Variants in CDK8 observed in about 807,000 individuals in gnomAD.
CDK8 encodes the protein cyclin-dependent kinase 8.
CDK8 carries 29 observed loss-of-function variants against 71.5 expected under a neutral mutation model. The ratio of observed to expected loss-of-function variants is 0.41; its 90% confidence interval spans 0.30 to 0.55. The LOEUF (loss-of-function observed/expected upper bound fraction) is 0.55, where lower values mean the gene tolerates loss of function less well. Among genes scored for constraint, CDK8 ranks in the 20% least tolerant of loss-of-function variants. The pLI, the probability that CDK8 is intolerant of heterozygous loss-of-function variation, is 0.37. For missense variants in CDK8, 288 were observed against 572.6 expected, an observed-to-expected ratio of 0.50 and a Z score of 5.07; for synonymous variants, 161 against 192.1, an observed-to-expected ratio of 0.84 and a Z score of 1.34.
chr13:26,349,104 T>C lies in CDK8; in HGVS notation c.237T>C (p.Ile79=). 3 of 1,613,190 alleles carry C rather than the reference T, an allele frequency of 1.9e-6. No individual in the cohort carries two copies. The highest frequency in any genetic ancestry group is 2.5e-6 in the Non-Finnish European group (3 of 1,179,256). The change falls in exon 3 of 13, where the codon ATT becomes ATC. Residue 79 remains isoleucine (I), a synonymous_variant. Transcript: ENST00000381527. ...LLRELKHPNV[I]SLQKVFLSHA... is the part of the protein sequence containing the mutation. ...GAGAGCTTAAGCATCCAAACGTCATTTCTCTTCAAAAGGTGTTTCTGTCTC... is the reference window on the plus strand; with the variant it reads ...GAGAGCTTAAGCATCCAAACGTCATCTCTCTTCAAAAGGTGTTTCTGTCTC...
Position 26,401,619 on chromosome 13 carries a change from T to C in CDK8, c.1264T>C (p.Tyr422His). ...AGGTGGACTTATCATGACCTCAGAC[T>C]ATCAGGTATTCCAAGTTTATTTTGT... The part of the protein sequence containing the change: ...TSGGLIMTSD[Y>H]QRSNPHAAYP... The change falls in exon 12 of 13, where the codon TAT (tyrosine) becomes CAT (histidine). Residue 422 changes from tyrosine to histidine, a missense_variant. Physicochemically the swap from Tyr to His is moderately conservative, Grantham distance 83. Coordinates refer to ENST00000381527, the MANE Select transcript of CDK8 (RefSeq NM_001260.3). This position sits in a 1 kb window ranked among gnomAD's most constrained non-coding sequence, Gnocchi z 4.5. 1 of 1,614,098 alleles carries C rather than the reference T, an allele frequency of 6.2e-7. No homozygotes were observed. Among genetic ancestry groups the C allele is most frequent in the Non-Finnish European group, 8.5e-7 (1 of 1,179,928 alleles).
chr13:26,397,126 A>G (rs1164412577), intron 8 of CDK8, 27 bp from the exon 9 acceptor site: 4 of 1,309,992 alleles, frequency 3.1e-6, no homozygotes, highest in Non-Finnish European at 3.3e-6. Flanking sequence ...AGTCTAATAT[A>G]GCTATTTCAT....
Position 26,404,979 on chromosome 13 carries a change from T to A in CDK8, c.*898T>A, listed in dbSNP as rs1460602602. The A allele has an allele frequency of 1.0e-5, 2 of 197,506 alleles. No individual in the cohort carries two copies. The highest frequency in any genetic ancestry group is 1.7e-3 in the Middle Eastern group (1 of 580). 12.2% of individuals were successfully genotyped at this position (197,506 alleles called of 1,614,324 possible). ...ATTTTCGTCCTGATTTTAAAGCTGGTTGGTGTAGTGCTATTAAAATTTCGT... is the reference window on the plus strand; with the variant it reads ...ATTTTCGTCCTGATTTTAAAGCTGGATGGTGTAGTGCTATTAAAATTTCGT... On this transcript the variant is annotated 3_prime_UTR_variant, in exon 13 of 13. Coordinates refer to ENST00000381527, the MANE Select transcript of CDK8 (RefSeq NM_001260.3).
intron 7 of CDK8, among the ~76,000 whole-genome samples, chr13:26,395,648 C>T (rs574838997): frequency 1.7e-4 from 26 of 152,162 alleles, no homozygotes; most frequent in Admixed American, 3.9e-4. Context: ...GTAGCTGAAA[C>T]GTTTTGTACT....
intron 7 of CDK8, among the ~76,000 whole-genome samples, chr13:26,394,258 A>G (rs1299825128): frequency 1.3e-5 from 2 of 152,206 alleles, no homozygotes; most frequent in Non-Finnish European, 2.9e-5. Flanking sequence ...TTCTCAGGTC[A>G]CTATAAACTC....
At chr13:26,259,416 G>C (rs895670631) in intron 1 of CDK8, among the ~76,000 whole-genome samples, 42 of 152,036 alleles carry the variant, frequency 2.8e-4, no homozygotes, top group African/African-American at 1.0e-3. Context: ...CATTTTATTA[G>C]GTATTATAAG....
intron 1 of CDK8, among the ~76,000 whole-genome samples, chr13:26,305,809 G>A (rs1458943058): frequency 2.0e-5 from 3 of 151,966 alleles, no homozygotes; most frequent in African/African-American, 4.8e-5. Flanking sequence ...AAAAATCTGT[G>A]TTCTATCTTG....
intron 1 of CDK8, among the ~76,000 whole-genome samples, chr13:26,329,469 G>GTTTTTTTTTTTTT (rs35796023): frequency 1.4e-5 from 1 of 71,568 alleles, no homozygotes; most frequent in Non-Finnish European, 3.3e-5. Context: ...GCCTATTTCT[G>GTTTTTTTTTTTTT]TTTTTTTTTT....
At chr13:26,289,193 T>C (rs1478073442) in intron 1 of CDK8, among the ~76,000 whole-genome samples, 1 of 151,176 alleles carries the variant, frequency 6.6e-6, no homozygotes, top group East Asian at 2.0e-4. Context: ...TAGCTGGGAC[T>C]ACAGGCGCAT....
intron 1 of CDK8, among the ~76,000 whole-genome samples, chr13:26,334,090 CTAA>C (rs1449587097): frequency 1.3e-5 from 2 of 152,048 alleles, no homozygotes; most frequent in African/African-American, 2.4e-5. Context: ...ACATTTCTTT[CTAA>C]TAATCTACTT....
At chr13:26,293,241 C>T (rs1000609199) in intron 1 of CDK8, among the ~76,000 whole-genome samples, 2 of 151,956 alleles carry the variant, frequency 1.3e-5, no homozygotes, top group African/African-American at 2.4e-5. Flanking sequence ...TTTTTCATAA[C>T]CTTACTTATA....
chr13:26,396,752 T>G (rs1876013819), intron 8 of CDK8, among the ~76,000 whole-genome samples: 1 of 152,126 alleles, frequency 6.6e-6, no homozygotes, highest in African/African-American at 2.4e-5. Flanking sequence ...GAATGGATAT[T>G]TCACCTGTTT....
At chr13:26,344,551 G>A (rs1198870676) in intron 2 of CDK8, among the ~76,000 whole-genome samples, 5 of 152,150 alleles carry the variant, frequency 3.3e-5, no homozygotes, top group Non-Finnish European at 7.4e-5. Flanking sequence ...GATCACTGGA[G>A]GCCAGGAGTT....
chr13:26,376,307 T>G (rs1039817846), intron 4 of CDK8, among the ~76,000 whole-genome samples: 1 of 152,232 alleles, frequency 6.6e-6, no homozygotes, highest in Non-Finnish European at 1.5e-5. Flanking sequence ...TACTTCTCCT[T>G]TAAGATGCAT....
intron 1 of CDK8, among the ~76,000 whole-genome samples, chr13:26,281,227 G>C (rs978873059): frequency 7.9e-5 from 12 of 152,232 alleles, no homozygotes; most frequent in African/African-American, 2.9e-4. Context: ...CTCTCACAGA[G>C]TCTACTTCAC....
At chr13:26,330,070 A>G (rs1875237676) in intron 1 of CDK8, among the ~76,000 whole-genome samples, 1 of 152,090 alleles carries the variant, frequency 6.6e-6, no homozygotes, top group African/African-American at 2.4e-5. Flanking sequence ...CAAATTTATG[A>G]GTTACATGAG....
chr13:26,337,854 G>A lies in CDK8; in HGVS notation c.204+212G>A, dbSNP rs569774198. 7.9e-5 allele frequency among the ~76,000 whole-genome samples: 12 copies of A among 152,126 alleles called. No homozygotes were observed. In the South Asian group the frequency reaches 2.5e-3, roughly 32 times the overall value. ...TTTATTTGGGGTAAAGTAAATTTCA[G>A]TTGTTTATATAAATACATGTTTTCC... On this transcript the variant is annotated intron_variant, in intron 2 of 12. Coordinates refer to ENST00000381527, the MANE Select transcript of CDK8 (RefSeq NM_001260.3).
chr13:26,280,858 A>C (rs1593235917), intron 1 of CDK8, among the ~76,000 whole-genome samples: 1 of 152,374 alleles, frequency 6.6e-6, no homozygotes, highest in African/African-American at 2.4e-5. Context: ...ACAGAACAGC[A>C]TGTGGAGACT....
intron 1 of CDK8, among the ~76,000 whole-genome samples, chr13:26,305,275 ATATTCT>A (rs975574975): frequency 5.3e-5 from 8 of 152,156 alleles, no homozygotes; most frequent in Non-Finnish European, 1.2e-4. Context: ...AATTTTAAAG[ATATTCT>A]TATCCTTCTG....
Sources: allele counts gnomAD v4.1 joint callset (sites outside exome capture counted in the v4.1 genomes callset), GRCh38; gene constraint gnomAD v4.1.1; non-coding constraint Gnocchi (gnomAD v3.1); transcripts MANE v1.5; gene names NCBI Gene and HGNC (gene_info 2026-07-23, HGNC 2026-07-21).